The following HPF1 variants were observed in gnomAD, a reference collection of about 807,000 sequenced individuals.
HPF1 encodes the protein UPF0609 protein C4orf27.
Under a neutral mutation model 38.8 loss-of-function variants are expected in HPF1, and 35 were observed. The observed-to-expected ratio is 0.90, with a 90% CI of 0.69 to 1.19. The LOEUF (loss-of-function observed/expected upper bound fraction) is 1.19. Among genes scored for constraint, HPF1 ranks in the 50% most tolerant of loss-of-function variants. The probability of loss-of-function intolerance (pLI) is 0.00; values close to 1 mark genes in which losing one functional copy is unlikely to be tolerated. For synonymous variants in HPF1, 115 were observed against 139.2 expected (o/e 0.83, Z 1.22); for missense variants, 367 against 405.8 (o/e 0.90, Z 0.82).
At chr4:169,736,575 CA>C (rs1446612731) in intron 6 of HPF1, among the ~76,000 whole-genome samples, 2 of 152,064 alleles carry the variant, frequency 1.3e-5, no homozygotes, top group Non-Finnish European at 2.9e-5. Context: ...AGACTCTGCA[CA>C]GTAAAATTTG....
intron 2 of HPF1, among the ~76,000 whole-genome samples, chr4:169,752,588 A>T (rs999190124): frequency 3.3e-5 from 5 of 152,154 alleles, no homozygotes; most frequent in African/African-American, 7.2e-5. Flanking sequence ...TGCTATTTTT[A>T]AAAAAATACT....
intron 2 of HPF1, among the ~76,000 whole-genome samples, chr4:169,752,189 G>C (rs907314491): frequency 2.6e-4 from 4 of 15,110 alleles, no homozygotes; most frequent in Non-Finnish European, 4.4e-4. Context: ...TTTTTTTTTT[G>C]AGATGGAGTC....
At position 169,731,861 on chromosome 4, in the gene HPF1, A is replaced by G. The variant is rs2150288315; in HGVS notation, c.752T>C (p.Ile251Thr). 2 of 1,612,974 alleles carry G rather than the reference A, an allele frequency of 1.2e-6. 1 individual carries two copies. The highest frequency in any genetic ancestry group is 4.5e-5 in the East Asian group (2 of 44,868). The change falls in exon 7 of 8, where the codon ATT becomes ACT. Residue 251 changes from isoleucine (I) to threonine (T), a missense_variant. Coordinates refer to ENST00000393381, the MANE Select transcript of HPF1 (RefSeq NM_017867.3). ...LPETDADLKR[I>T]CKTIVEAASD... ...TGCAGCCTCAACTATTGTCTTGCAA[A>G]TTCTCTTGAGGTCAGCTGAAAGAAA...
chr4:169,752,201 C>T lies in HPF1; in HGVS notation c.208+1475G>A, dbSNP rs1219946387. 1.3e-4 allele frequency among the ~76,000 whole-genome samples: 15 copies of T among 117,126 alleles called. No individual in the cohort carries two copies. The Admixed American group carries it at 1.4e-3, about 11-fold the overall frequency. 76.8% of individuals were successfully genotyped at this position (117,126 alleles called of 152,430 possible). The stretch of plus-strand genomic sequence containing the variant: ...TTTTTTTTTTTTTGAGATGGAGTCT[C>T]GCTCTGTCACCCAGACTGGAGTGCA... On this transcript the variant is annotated intron_variant, in intron 2 of 7. Coordinates refer to ENST00000393381, the MANE Select transcript of HPF1 (RefSeq NM_017867.3).
intron 6 of HPF1, among the ~76,000 whole-genome samples, chr4:169,736,848 G>T (rs964417953): frequency 9.9e-5 from 15 of 152,164 alleles, no homozygotes; most frequent in African/African-American, 3.1e-4. Flanking sequence ...GAAAAGAATT[G>T]AGAAGCGATT....
chr4:169,733,666 C>T (rs565127187), intron 6 of HPF1, among the ~76,000 whole-genome samples: 8 of 152,122 alleles, frequency 5.3e-5, no homozygotes, highest in African/African-American at 1.9e-4. Flanking sequence ...GAGGCTGAGG[C>T]AGGAGGACTG....
At chr4:169,730,670 G>A (rs1733817913) in intron 7 of HPF1, among the ~76,000 whole-genome samples, 1 of 152,206 alleles carries the variant, frequency 6.6e-6, no homozygotes, top group Non-Finnish European at 1.5e-5. Flanking sequence ...CCTTCCCATT[G>A]ACGCTGATGC....
rs202232524 is a variant in HPF1, at chr4:169,737,300, A to AC, written c.736+359_736+360insG. ...GCAACACTCCGTCTCAAAAAAAAAA[A>AC]AAAAAAACAAACAAAAAAAGAAACT... is the stretch of plus-strand genomic sequence containing the variant. On this transcript the variant is annotated intron_variant, in intron 6 of 7. Transcript: ENST00000393381. 6.9e-3 allele frequency among the ~76,000 whole-genome samples: 1,037 copies of AC among 150,556 alleles called. 35 individuals are homozygous for AC. Among genetic ancestry groups the AC allele is most frequent in the Admixed American group, 0.035 (524 of 15,154 alleles).
At chr4:169,750,336 A>C in intron 3 of HPF1, 200 bp downstream of exon 3, 1 of 375,874 alleles carries the variant, frequency 2.7e-6, no homozygotes, top group Non-Finnish European at 4.7e-6. Context: ...CAAGGAAAGG[A>C]AAAACAAGTG....
chr4:169,741,960 C>T lies in HPF1; in HGVS notation c.645G>A (p.Lys215=). Residue 215 remains lysine, a synonymous_variant, in exon 5 of 8, where the codon AAG becomes AAA. Coordinates refer to ENST00000393381, the MANE Select transcript of HPF1 (RefSeq NM_017867.3). The part of the protein sequence containing the change: ...QRTVKMKQRD[K]KVVTKTFHGA... ...GACCAACAGGTTGAAATCATACTTTCTTATCTCTCTGTTTCATCTTCACGG... is the reference window on the plus strand; with the variant it reads ...GACCAACAGGTTGAAATCATACTTTTTTATCTCTCTGTTTCATCTTCACGG... 1 of 1,611,388 alleles carries T rather than the reference C, an allele frequency of 6.2e-7. No homozygotes were observed. Among genetic ancestry groups the T allele is most frequent in the Non-Finnish European group, 8.5e-7 (1 of 1,179,162 alleles).
chr4:169,752,835 C>T (rs1246529400), intron 2 of HPF1, among the ~76,000 whole-genome samples: 4 of 152,116 alleles, frequency 2.6e-5, no homozygotes, highest in African/African-American at 9.7e-5. Flanking sequence ...ACTGTTATAA[C>T]TCCTGCAACA....
chr4:169,731,549 T>G (rs1381953498), intron 7 of HPF1, among the ~76,000 whole-genome samples, 155 bp downstream of exon 7: 1 of 152,146 alleles, frequency 6.6e-6, no homozygotes, highest in Non-Finnish European at 1.5e-5. Flanking sequence ...AAAAATCACT[T>G]CAAAAACTTC....
chr4:169,756,856 T>C (rs1289192003), intron 1 of HPF1, among the ~76,000 whole-genome samples: 1 of 152,172 alleles, frequency 6.6e-6, no homozygotes, highest in Non-Finnish European at 1.5e-5. Context: ...AGCATCTCCA[T>C]AGCCCTAACA....
chr4:169,757,732 G>T lies in HPF1; in HGVS notation c.48+98C>A, dbSNP rs561752064. ...ACCGCAGCCCCTGGACACACAGCAA[G>T]CTTAATAGTCACTGGATGAATGAAA... On this transcript the variant is annotated intron_variant, in intron 1 of 7. Coordinates refer to ENST00000393381, the MANE Select transcript of HPF1 (RefSeq NM_017867.3). The T allele has an allele frequency of 8.7e-5, 103 of 1,183,472 alleles. No homozygotes were observed. In the East Asian group the frequency reaches 1.9e-3, roughly 22 times the overall value. The allele number at this position is 1,183,472 out of a possible 1,614,324, so 73.3% of individuals were successfully genotyped here.
At chr4:169,737,449 C>G (rs1188212104) in intron 6 of HPF1, among the ~76,000 whole-genome samples, 1 of 152,028 alleles carries the variant, frequency 6.6e-6, no homozygotes, top group Non-Finnish European at 1.5e-5. Context: ...CAAGATTTCA[C>G]AGGGTTAAAT....
chr4:169,731,973 A>C lies in HPF1; in HGVS notation c.737-97T>G, dbSNP rs537957042. The C allele has an allele frequency of 1.2e-5, 12 of 1,015,590 alleles. No individual in the cohort carries two copies. The African/African-American group carries it at 1.9e-4, about 16-fold the overall frequency. The allele number at this position is 1,015,590 out of a possible 1,614,324, so 62.9% of individuals were successfully genotyped here. A position where few individuals can be genotyped will look rare whatever the true frequency, so the allele number is the denominator to read the frequency against. ...ATTATAAAGAGGGTTTTTCCTCCTA[A>C]GACTTTGTACTAATACAACTTGTGC... On this transcript the variant is annotated intron_variant, in intron 6 of 7. Coordinates refer to ENST00000393381, the MANE Select transcript of HPF1 (RefSeq NM_017867.3).
At chr4:169,752,571 T>C (rs1326124398) in intron 2 of HPF1, among the ~76,000 whole-genome samples, 1 of 152,100 alleles carries the variant, frequency 6.6e-6, no homozygotes, top group Non-Finnish European at 1.5e-5. Flanking sequence ...GTACTCTCTC[T>C]CCCCCATGCT....
intron 4 of HPF1, among the ~76,000 whole-genome samples, chr4:169,746,244 G>C (rs1236564640): frequency 6.6e-6 from 1 of 151,992 alleles, no homozygotes; most frequent in Non-Finnish European, 1.5e-5. Flanking sequence ...TTTTTCATTT[G>C]ATAAACAATC....
Position 169,757,812 on chromosome 4 carries a change from C to A in HPF1, c.48+18G>T. 1 of 1,559,098 alleles carries A rather than the reference C, an allele frequency of 6.4e-7. No homozygotes were observed. The highest frequency in any genetic ancestry group is 8.6e-7 in the Non-Finnish European group (1 of 1,159,066). On this transcript the variant is annotated intron_variant, in intron 1 of 7. Coordinates refer to ENST00000393381, the MANE Select transcript of HPF1 (RefSeq NM_017867.3). ...CCCAAAGCGCCCCGCGTAGCCCGCA[C>A]AGCCTTTCCGGCAGTACCTGCGGCC...
Sources: gnomAD v4.1 joint callset for allele counts (sites outside exome capture counted in the v4.1 genomes callset) on GRCh38, gnomAD v4.1.1 for gene constraint, MANE v1.5 for transcripts, NCBI Gene and HGNC (gene_info 2026-07-23, HGNC 2026-07-21) for gene names.